The following LRCH1 variants were observed in gnomAD, a reference collection of about 807,000 sequenced individuals.
LRCH1 encodes the protein leucine rich repeats and calponin homology domain containing 1.
A neutral mutation model predicts 94.9 loss-of-function variants in LRCH1; 23 were observed. The observed-to-expected ratio is 0.24, with a 90% CI of 0.17 to 0.34. LRCH1 has a LOEUF of 0.34. LRCH1 is among the 10% of genes least tolerant of loss of function. The pLI is 1.00. For synonymous variants in LRCH1, 364 were observed against 354.9 expected (o/e 1.03, Z -0.29); for missense variants, 790 against 945.9 (o/e 0.84, Z 2.16).
chr13:46,649,856 A>G (rs1287261685), intron 1 of LRCH1, among the ~76,000 whole-genome samples: 1 of 152,056 alleles, frequency 6.6e-6, no homozygotes, highest in Non-Finnish European at 1.5e-5. Flanking sequence ...TGAATTAATA[A>G]TTTTGGTAAA....
intron 13 of LRCH1, among the ~76,000 whole-genome samples, chr13:46,709,529 TA>T (rs1431459073): frequency 6.6e-6 from 1 of 152,220 alleles, no homozygotes; most frequent in African/African-American, 2.4e-5. Context: ...CAACCTTCCT[TA>T]GCACCTTTAT....
chr13:46,650,487 C>T lies in LRCH1; in HGVS notation c.452+142C>T, dbSNP rs369211111. ...CACACACAGATGTTTTAAGTAATAA[C>T]TTTTCTAATAAATTTGTAATGTTGT... On this transcript the variant is annotated intron_variant, in intron 2 of 19. Coordinates refer to ENST00000389797, the MANE Select transcript of LRCH1 (RefSeq NM_001164211.2). 2,029 of 618,252 alleles carry T rather than the reference C, an allele frequency of 3.3e-3. 12 individuals are homozygous for T. Among genetic ancestry groups the T allele is most frequent in the South Asian group, 0.016 (590 of 36,830 alleles). The allele number at this position is 618,252 out of a possible 1,614,324, so 38.3% of individuals were successfully genotyped here. A position where few individuals can be genotyped will look rare whatever the true frequency, so the allele number is the denominator to read the frequency against.
At chr13:46,689,237 GAC>G (rs1566227787) in intron 7 of LRCH1, 41 bp downstream of exon 7, 2 of 1,501,010 alleles carry the variant, frequency 1.3e-6, no homozygotes, top group Non-Finnish European at 1.9e-6. Flanking sequence ...TGTACTTCTA[GAC>G]ATATCTACCA....
chr13:46,647,810 T>C (rs1256812593), intron 1 of LRCH1, among the ~76,000 whole-genome samples: 1 of 150,618 alleles, frequency 6.6e-6, no homozygotes, highest in Admixed American at 6.6e-5. Flanking sequence ...TTTTTTTTTT[T>C]TCGTTGTAAA....
chr13:46,733,081 A>C lies in LRCH1; in HGVS notation c.2008-840A>C, dbSNP rs13378666. Among the ~76,000 whole-genome samples the C allele has an allele frequency of 8.2e-3, 1,249 of 152,342 alleles. 15 individuals are homozygous for C. Among genetic ancestry groups the C allele is most frequent in the African/African-American group, 0.029 (1,200 of 41,580 alleles). Reference sequence around the variant, plus strand: ...TGAATTCCGTCATTCTCACATGAGCAGGATAAGGCCAGTCTTTATCACAGT... The same window carrying C: ...TGAATTCCGTCATTCTCACATGAGCCGGATAAGGCCAGTCTTTATCACAGT... On this transcript the variant is annotated intron_variant, in intron 18 of 19. Transcript: ENST00000389797.
At chr13:46,714,878 C>G (rs189737358) in intron 15 of LRCH1, among the ~76,000 whole-genome samples, 141 of 152,220 alleles carry the variant, frequency 9.3e-4, no homozygotes, top group Admixed American at 1.3e-3. Flanking sequence ...ATAGACTGTA[C>G]TAGTCTCCAA....
At chr13:46,557,655 C>A (rs1310686423) in intron 1 of LRCH1, among the ~76,000 whole-genome samples, 1 of 151,644 alleles carries the variant, frequency 6.6e-6, no homozygotes, top group African/African-American at 2.4e-5. Context: ...CCAGCCTGAC[C>A]AACATGGTAA....
rs140877743 is a variant in LRCH1, at chr13:46,675,600, T to C, written c.580-6141T>C. Among the ~76,000 whole-genome samples, 557 of 152,306 alleles carry C rather than the reference T, an allele frequency of 3.7e-3. 2 individuals are homozygous for C. Among genetic ancestry groups the C allele is most frequent in the African/African-American group, 0.013 (545 of 41,556 alleles). On this transcript the variant is annotated intron_variant, in intron 3 of 19. Coordinates refer to ENST00000389797, the MANE Select transcript of LRCH1 (RefSeq NM_001164211.2). ...TGTGTGGAGAGTTTGGATTCAAAGA[T>C]TGATTATTGAGCAGCTGCTGAGGAA...
intron 4 of LRCH1, among the ~76,000 whole-genome samples, chr13:46,682,223 G>A (rs1870355464): frequency 6.6e-6 from 1 of 152,024 alleles, no homozygotes; most frequent in Non-Finnish European, 1.5e-5. Context: ...CAGCAGGGTT[G>A]GTTCCCTCTG....
intron 4 of LRCH1, among the ~76,000 whole-genome samples, chr13:46,684,820 T>C (rs1167409219): frequency 6.6e-6 from 1 of 152,138 alleles, no homozygotes; most frequent in African/African-American, 2.4e-5. Flanking sequence ...AAAAACACAG[T>C]CCCTTACATT....
Position 46,743,127 on chromosome 13 carries a change from G to A in LRCH1, c.*1279G>A, listed in dbSNP as rs941710287. On this transcript the variant is annotated 3_prime_UTR_variant, in exon 20 of 20. Coordinates refer to ENST00000389797, the MANE Select transcript of LRCH1 (RefSeq NM_001164211.2). ...GCTGTTTGCCAAATCTTGTTTCTTA[G>A]CTTGGGGAGATGATGGACTTAGCTT... 1 of 985,384 alleles carries A rather than the reference G, an allele frequency of 1.0e-6. No homozygotes were observed. Among genetic ancestry groups the A allele is most frequent in the Non-Finnish European group, 1.2e-6 (1 of 829,910 alleles). The allele number at this position is 985,384 out of a possible 1,614,324, so 61.0% of individuals were successfully genotyped here.
chr13:46,569,192 G>C lies in LRCH1; in HGVS notation c.307+15489G>C, dbSNP rs919959787. ...ATAGAAAAAACTGTGGCTGAACCAA[G>C]TTTTCTGGGATCACTGGAATGATGT... On this transcript the variant is annotated intron_variant, in intron 1 of 19. Coordinates refer to ENST00000389797, the MANE Select transcript of LRCH1 (RefSeq NM_001164211.2). 5.2e-4 allele frequency among the ~76,000 whole-genome samples: 78 copies of C among 148,576 alleles called. 1 individual carries two copies. Among genetic ancestry groups the C allele is most frequent in the Non-Finnish European group, 1.6e-4 (11 of 66,836 alleles).
intron 19 of LRCH1, among the ~76,000 whole-genome samples, chr13:46,735,846 G>A: frequency 7.0e-6 from 1 of 142,036 alleles, no homozygotes; most frequent in African/African-American, 2.6e-5. Context: ...GGCCAGACTG[G>A]AGTGCAGTGG....
At chr13:46,624,102 T>C (rs150313462) in intron 1 of LRCH1, among the ~76,000 whole-genome samples, 1,835 of 152,220 alleles carry the variant, frequency 0.012, 27 homozygotes, top group South Asian at 0.07. Context: ...CAGGCTGGTC[T>C]TGAACTCCTG....
intron 2 of LRCH1, among the ~76,000 whole-genome samples, chr13:46,663,090 T>C (rs540638629): frequency 2.0e-4 from 30 of 152,338 alleles, no homozygotes; most frequent in African/African-American, 7.2e-4. Flanking sequence ...ACAGTCAGGT[T>C]GTAGTTAGCA....
chr13:46,665,647 G>A (rs1334375410), intron 2 of LRCH1, among the ~76,000 whole-genome samples: 1 of 152,148 alleles, frequency 6.6e-6, no homozygotes, highest in African/African-American at 2.4e-5. Context: ...GACTCTGCAG[G>A]GACAGTGACA....
chr13:46,575,250 A>AT (rs549494734), intron 1 of LRCH1, among the ~76,000 whole-genome samples: 13 of 149,756 alleles, frequency 8.7e-5, no homozygotes, highest in South Asian at 2.1e-4. Flanking sequence ...AATTGTATTA[A>AT]TTTTTTTTTT....
At chr13:46,674,273 G>T (rs1341244579) in intron 3 of LRCH1, among the ~76,000 whole-genome samples, 2 of 152,178 alleles carry the variant, frequency 1.3e-5, no homozygotes, top group Non-Finnish European at 2.9e-5. Flanking sequence ...AATTATATAA[G>T]ATCTTTTTTT....
At position 46,553,358 on chromosome 13, in the gene LRCH1, G is replaced by T; in HGVS notation, c.-39G>T. The T allele has an allele frequency of 6.7e-7, 1 of 1,489,402 alleles. No homozygotes were observed. The highest frequency in any genetic ancestry group is 9.0e-7 in the Non-Finnish European group (1 of 1,114,484). The allele number at this position is 1,489,402 out of a possible 1,614,324, so 92.3% of individuals were successfully genotyped here. ...TCGCGGGGAACGCTGTGACCCCCCCGCAGGAGCGGCGGGGCGGGGTGGGGG... is the reference window on the plus strand; with the variant it reads ...TCGCGGGGAACGCTGTGACCCCCCCTCAGGAGCGGCGGGGCGGGGTGGGGG... On this transcript the variant is annotated 5_prime_UTR_variant, in exon 1 of 20. Coordinates refer to ENST00000389797, the MANE Select transcript of LRCH1 (RefSeq NM_001164211.2).
Sources: allele counts gnomAD v4.1 joint callset (sites outside exome capture counted in the v4.1 genomes callset), GRCh38; gene constraint gnomAD v4.1.1; transcripts MANE v1.5; gene names NCBI Gene and HGNC (gene_info 2026-07-23, HGNC 2026-07-21).